JAZF1: variants seen among roughly 807,000 people sequenced by gnomAD.
JAZF1 encodes JAZF zinc finger 1, also known as juxtaposed with another zinc finger protein 1.
JAZF1 carries 8 observed loss-of-function variants against 26.4 expected under a neutral mutation model. The observed-to-expected ratio is 0.30, with a 90% CI of 0.18 to 0.55. The LOEUF (loss-of-function observed/expected upper bound fraction) is 0.55, where lower values mean the gene tolerates loss of function less well. JAZF1 is among the 20% of genes least tolerant of loss of function. The pLI, the probability that JAZF1 is intolerant of heterozygous loss-of-function variation, is 0.94. For missense variants in JAZF1, 199 were observed against 322.0 expected (o/e 0.62, Z 2.92); for synonymous variants, 126 against 122.3 (o/e 1.03, Z -0.20).
intron 2 of JAZF1, among the ~76,000 whole-genome samples, chr7:27,900,045 C>T (rs1784140666): frequency 6.6e-6 from 1 of 152,136 alleles, no homozygotes; most frequent in African/African-American, 2.4e-5. Context: ...CTGTGTGGGA[C>T]CACTGGGCTC....
chr7:28,161,422 G>T (rs1783286677), intron 1 of JAZF1, among the ~76,000 whole-genome samples: 1 of 152,186 alleles, frequency 6.6e-6, no homozygotes, highest in Non-Finnish European at 1.5e-5. Flanking sequence ...GGAGGCTACA[G>T]GTTGAAGTGA....
rs1782909061 is a variant in JAZF1 at position 27,840,858 on chromosome 7, T to C, written c.395A>G (p.Tyr132Cys). ...FRSSTPTGSE[Y>C]DEEEVDYEES... is the part of the protein sequence containing the mutation. ...CTCATAGTCCACCTCCTCCTCGTCA[T>C]ACTCGCTGCCTGCAGGACAAGAGAA... Residue 132 changes from tyrosine to cysteine, a missense_variant, in exon 4 of 5, where the codon TAT becomes TGT. Tyr to Cys is a radical substitution (Grantham distance 194). Coordinates refer to ENST00000283928, the MANE Select transcript of JAZF1 (RefSeq NM_175061.4). The surrounding 1 kb of genome is among the most constrained non-coding windows in gnomAD (Gnocchi z 5.1). The C allele has an allele frequency of 3.7e-6, 6 of 1,613,914 alleles. No individual in the cohort carries two copies. The highest frequency in any genetic ancestry group is 5.1e-6 in the Non-Finnish European group (6 of 1,179,976).
chr7:28,135,504 C>T (rs577661053), intron 1 of JAZF1, among the ~76,000 whole-genome samples: 5 of 152,172 alleles, frequency 3.3e-5, no homozygotes, highest in Admixed American at 1.3e-4. Context: ...TTAATAAGAA[C>T]TGGACTGGAT....
chr7:28,173,880 TAAAAAAAAAA>T lies in JAZF1; in HGVS notation c.115+6573_115+6582del, dbSNP rs58075065. On this transcript the variant is annotated intron_variant, in intron 1 of 4. Coordinates refer to ENST00000283928, the MANE Select transcript of JAZF1 (RefSeq NM_175061.4). ...TCTGGTCCCTGCTTGCAGCTAGCTTTAAAAAAAAAAAAAAAAAAAAAAAAAAGTAGGTGAA... is the reference window on the plus strand; with the variant it reads ...TCTGGTCCCTGCTTGCAGCTAGCTTTAAAAAAAAAAAAAAAAGTAGGTGAA... Among the ~76,000 whole-genome samples the T allele has an allele frequency of 1.5e-4, 14 of 93,146 alleles. 1 individual carries two copies. Among genetic ancestry groups the T allele is most frequent in the Admixed American group, 3.9e-4 (3 of 7,792 alleles). The allele number at this position is 93,146 out of a possible 152,430, so 61.1% of individuals were successfully genotyped here.
At position 28,134,109 on chromosome 7, in the gene JAZF1, G is replaced by A. The variant is rs117919249; in HGVS notation, c.115+46354C>T. Among the ~76,000 whole-genome samples, 442 of 152,260 alleles carry A rather than the reference G, an allele frequency of 2.9e-3. 1 individual carries two copies. The highest frequency in any genetic ancestry group is 6.8e-3 in the Middle Eastern group (2 of 294). Reference sequence around the variant, plus strand: ...CTGTCAACCCTGTGCATTGAACAGCGCCTGGTGGGTACTGAGCACTCCATG... The same window carrying A: ...CTGTCAACCCTGTGCATTGAACAGCACCTGGTGGGTACTGAGCACTCCATG... On this transcript the variant is annotated intron_variant, in intron 1 of 4. Coordinates refer to ENST00000283928, the MANE Select transcript of JAZF1 (RefSeq NM_175061.4).
At position 28,101,561 on chromosome 7, in the gene JAZF1, G is replaced by A. The variant is rs577765421; in HGVS notation, c.115+78902C>T. 9.8e-4 allele frequency among the ~76,000 whole-genome samples: 118 copies of A among 120,088 alleles called. 1 individual carries two copies. Among genetic ancestry groups the A allele is most frequent in the African/African-American group, 3.6e-3 (110 of 30,438 alleles). 78.8% of individuals were successfully genotyped at this position (120,088 alleles called of 152,430 possible). On this transcript the variant is annotated intron_variant, in intron 1 of 4. Transcript: ENST00000283928. The stretch of plus-strand genomic sequence containing the variant: ...GAGAGCAGACTGGACAGCATAATGA[G>A]ACTCATTTCTATATTAAAAAAAAAA...
intron 2 of JAZF1, among the ~76,000 whole-genome samples, chr7:27,948,776 T>C (rs1361400071): frequency 1.3e-5 from 2 of 152,204 alleles, no homozygotes; most frequent in Admixed American, 6.5e-5. Context: ...AAAAAGAGAA[T>C]GGGGGCTCCT....
At chr7:28,095,251 C>T (rs1000371210) in intron 1 of JAZF1, among the ~76,000 whole-genome samples, 4 of 152,176 alleles carry the variant, frequency 2.6e-5, no homozygotes, top group African/African-American at 9.7e-5. Context: ...CATTTTTATA[C>T]TGCTATGAAG....
At chr7:28,131,280 A>G (rs1484833227) in intron 1 of JAZF1, among the ~76,000 whole-genome samples, 1 of 152,094 alleles carries the variant, frequency 6.6e-6, no homozygotes, top group Admixed American at 6.5e-5. Context: ...TCACAAAAAC[A>G]GATGACCCTT....
At chr7:28,039,792 G>C (rs1465399903) in intron 1 of JAZF1, among the ~76,000 whole-genome samples, 1 of 152,138 alleles carries the variant, frequency 6.6e-6, no homozygotes, top group Non-Finnish European at 1.5e-5. Context: ...CCGCCCCAAG[G>C]ATATAAATAA....
chr7:27,923,825 C>T (rs147130732), intron 2 of JAZF1, among the ~76,000 whole-genome samples: 15 of 152,292 alleles, frequency 9.8e-5, no homozygotes, highest in Admixed American at 2.0e-4. Context: ...AGGTCTGAAC[C>T]AATTTTTGAG....
Position 27,895,429 on chromosome 7 carries a change from T to C in JAZF1, c.189-13A>G, listed in dbSNP as rs1190799461. 6 of 1,577,588 alleles carry C rather than the reference T, an allele frequency of 3.8e-6. No homozygotes were observed. Among genetic ancestry groups the C allele is most frequent in the East Asian group, 2.3e-5 (1 of 43,566 alleles). ...ATCTGTCATGAATCTGAAACAATAA[T>C]GGAAGGTAAGGAACCTGGGCCATGT... On this transcript the variant is annotated splice_polypyrimidine_tract_variant and intron_variant, in intron 2 of 4. Transcript: ENST00000283928.
chr7:27,909,563 C>T lies in JAZF1; in HGVS notation c.189-14147G>A, dbSNP rs549247790. Reference sequence around the variant, plus strand: ...TCTCTACTAAAAATACAAAATTAGCCGGGCATGGTGGCACATGCCTGTAAT... The same window carrying T: ...TCTCTACTAAAAATACAAAATTAGCTGGGCATGGTGGCACATGCCTGTAAT... On this transcript the variant is annotated intron_variant, in intron 2 of 4. Coordinates refer to ENST00000283928, the MANE Select transcript of JAZF1 (RefSeq NM_175061.4). Among the ~76,000 whole-genome samples, 22 of 152,166 alleles carry T rather than the reference C, an allele frequency of 1.4e-4. No homozygotes were observed. In the South Asian group the frequency reaches 3.5e-3, roughly 24 times the overall value.
chr7:28,014,570 C>T (rs1429610806), intron 1 of JAZF1, among the ~76,000 whole-genome samples: 2 of 152,192 alleles, frequency 1.3e-5, no homozygotes, highest in East Asian at 1.9e-4. Flanking sequence ...TGCTGCCATC[C>T]ATGTAAGACA....
chr7:27,885,735 C>G (rs1369074880), intron 3 of JAZF1, among the ~76,000 whole-genome samples: 7 of 152,040 alleles, frequency 4.6e-5, no homozygotes, highest in Non-Finnish European at 1.5e-5. Context: ...TCCATTCTGA[C>G]AAGAAAATGA....
At position 27,955,009 on chromosome 7, in the gene JAZF1, C is replaced by T. The variant is rs552677616; in HGVS notation, c.188+36900G>A. On this transcript the variant is annotated intron_variant, in intron 2 of 4. Transcript: ENST00000283928. ...CCGACCTCAGGCGATCCACCTGCCT[C>T]GGCCTCCAAAAGTGCTGGGATTACA... 8.2e-4 allele frequency among the ~76,000 whole-genome samples: 125 copies of T among 152,174 alleles called. 7 individuals are homozygous for T. Among genetic ancestry groups the T allele is most frequent in the Non-Finnish European group, 1.3e-4 (9 of 68,030 alleles).
Position 27,998,071 on chromosome 7 carries a change from AAGGC to A in JAZF1, c.116-6094_116-6091del, listed in dbSNP as rs1554280810. Among the ~76,000 whole-genome samples the A allele has an allele frequency of 5.9e-3, 654 of 111,524 alleles. 7 individuals carry two copies. Among genetic ancestry groups the A allele is most frequent in the Non-Finnish European group, 9.5e-3 (542 of 57,090 alleles). 73.2% of individuals were successfully genotyped at this position (111,524 alleles called of 152,430 possible). A position where few individuals can be genotyped will look rare whatever the true frequency, so the allele number is the denominator to read the frequency against. The stretch of plus-strand genomic sequence containing the variant: ...GAAGGAAGGAAGGAAGGAAGGAAGG[AAGGC>A]AGGCAGGCAGGCAGGCAGGCAGACA... On this transcript the variant is annotated intron_variant, in intron 1 of 4. Transcript: ENST00000283928.
intron 1 of JAZF1, among the ~76,000 whole-genome samples, chr7:28,090,723 C>T (rs1784280093): frequency 6.6e-6 from 1 of 152,104 alleles, no homozygotes; most frequent in South Asian, 2.1e-4. Flanking sequence ...AGCCAGCTTA[C>T]CCGACTTTTA....
intron 1 of JAZF1, among the ~76,000 whole-genome samples, chr7:28,150,716 G>C (rs908833578): frequency 6.6e-6 from 1 of 152,162 alleles, no homozygotes; most frequent in Non-Finnish European, 1.5e-5. Context: ...ACTCAGGTGG[G>C]GTCTGAAGGG....
Sources: gnomAD v4.1 joint callset for allele counts (sites outside exome capture counted in the v4.1 genomes callset) on GRCh38, gnomAD v4.1.1 for gene constraint, Gnocchi (gnomAD v3.1) non-coding constraint, MANE v1.5 for transcripts, NCBI Gene and HGNC (gene_info 2026-07-23, HGNC 2026-07-21) for gene names.